DNM3: variants seen among roughly 807,000 people sequenced by gnomAD.
DNM3 encodes dynamin-3.
Under a neutral mutation model 101.6 loss-of-function variants are expected in DNM3, and 47 were observed. The observed-to-expected ratio is 0.46, with a 90% CI of 0.37 to 0.59. DNM3 has a LOEUF of 0.59. Among genes scored for constraint, DNM3 ranks in the 20% least tolerant of loss-of-function variants. The pLI, the probability that DNM3 is intolerant of heterozygous loss-of-function variation, is 0.00. For missense variants in DNM3, 849 were observed against 1,085.7 expected (o/e 0.78, Z 3.06); for synonymous variants, 385 against 387.9 (o/e 0.99, Z 0.09).
chr1:172,147,487 G>A (rs1358541698), intron 14 of DNM3, among the ~76,000 whole-genome samples: 1 of 152,036 alleles, frequency 6.6e-6, no homozygotes, highest in Non-Finnish European at 1.5e-5. Context: ...GGTTTTGGGT[G>A]ACTACAAAAT....
At chr1:172,402,428 A>G (rs1242287294) in intron 20 of DNM3, among the ~76,000 whole-genome samples, 2 of 152,166 alleles carry the variant, frequency 1.3e-5, no homozygotes, top group African/African-American at 2.4e-5. Context: ...TTCAATTATA[A>G]TTTACAAGTA....
At chr1:172,114,879 G>A (rs1016939230) in intron 13 of DNM3, among the ~76,000 whole-genome samples, 3 of 152,122 alleles carry the variant, frequency 2.0e-5, no homozygotes, top group Non-Finnish European at 4.4e-5. Flanking sequence ...GCATCTTGAA[G>A]TCAGTCCAAA....
At chr1:172,041,313 C>G (rs148257635) in intron 7 of DNM3, among the ~76,000 whole-genome samples, 1 of 152,214 alleles carries the variant, frequency 6.6e-6, no homozygotes, top group Non-Finnish European at 1.5e-5. Context: ...GCTGGATGCC[C>G]CAGATTCCCT....
At chr1:171,902,394 T>G (rs892668425) in intron 1 of DNM3, among the ~76,000 whole-genome samples, 1 of 152,264 alleles carries the variant, frequency 6.6e-6, no homozygotes, top group Non-Finnish European at 1.5e-5. Flanking sequence ...GTAGCCCTGT[T>G]GATATTCAGG....
chr1:172,043,612 A>G (rs2049555601), intron 8 of DNM3, among the ~76,000 whole-genome samples: 1 of 152,158 alleles, frequency 6.6e-6, no homozygotes, highest in African/African-American at 2.4e-5. Context: ...TTAAGCAGGA[A>G]GAGGTAGGCT....
In DNM3 at chr1:171,858,262, G is replaced by A. The variant is rs188179527; in HGVS notation, c.161+16445G>A. Among the ~76,000 whole-genome samples, 318 of 152,200 alleles carry A rather than the reference G, an allele frequency of 2.1e-3. 1 individual carries two copies. The highest frequency in any genetic ancestry group is 3.5e-3 in the Non-Finnish European group (239 of 68,002). ...CATTTATGAGAAAAAATTCACTGAT[G>A]CACTAATATTCTTAGCTTGATAAGC... On this transcript the variant is annotated intron_variant, in intron 1 of 20. Coordinates refer to ENST00000627582, the MANE Select transcript of DNM3 (RefSeq NM_015569.5).
chr1:171,875,496 T>C (rs977340494), intron 1 of DNM3, among the ~76,000 whole-genome samples: 1 of 152,172 alleles, frequency 6.6e-6, no homozygotes, highest in East Asian at 1.9e-4. Flanking sequence ...ACACATAAGT[T>C]AGATTTGGCA....
At chr1:172,390,697 A>C (rs1262739628) in intron 20 of DNM3, among the ~76,000 whole-genome samples, 1 of 152,236 alleles carries the variant, frequency 6.6e-6, no homozygotes, top group African/African-American at 2.4e-5. Flanking sequence ...TGCTACAAGC[A>C]AGATCCAATT....
At chr1:172,305,898 A>T (rs2148865094) in intron 15 of DNM3, among the ~76,000 whole-genome samples, 1 of 152,346 alleles carries the variant, frequency 6.6e-6, no homozygotes, top group East Asian at 1.9e-4. Flanking sequence ...AATAAGAGCT[A>T]TTTATGACAA....
intron 1 of DNM3, among the ~76,000 whole-genome samples, chr1:171,868,990 T>C (rs1312304284): frequency 6.6e-6 from 1 of 151,960 alleles, no homozygotes; most frequent in Non-Finnish European, 1.5e-5. Context: ...TCCATGTTGG[T>C]CAGGCTGGTC....
chr1:172,193,146 CGT>C (rs1451351433), intron 14 of DNM3, among the ~76,000 whole-genome samples: 1 of 151,880 alleles, frequency 6.6e-6, no homozygotes, highest in Non-Finnish European at 1.5e-5. Flanking sequence ...AGCATTTTTT[CGT>C]GTGTTTTTTG....
intron 20 of DNM3, among the ~76,000 whole-genome samples, chr1:172,400,635 A>G (rs1203332708): frequency 6.6e-6 from 1 of 152,198 alleles, no homozygotes; most frequent in Admixed American, 6.5e-5. Flanking sequence ...TCTCAATGAT[A>G]TAGTACAAAG....
At chr1:172,301,103 G>T (rs563990146) in intron 15 of DNM3, among the ~76,000 whole-genome samples, 8 of 152,300 alleles carry the variant, frequency 5.3e-5, no homozygotes, top group African/African-American at 1.7e-4. Flanking sequence ...ACTTGGGAGA[G>T]AATAAGGGAG....
At position 172,122,068 on chromosome 1, in the gene DNM3, G is replaced by A. The variant is rs1167604108; in HGVS notation, c.1546-9107G>A. 2.0e-5 allele frequency among the ~76,000 whole-genome samples: 3 copies of A among 152,010 alleles called. 1 individual carries two copies. Among genetic ancestry groups the A allele is most frequent in the Non-Finnish European group, 4.4e-5 (3 of 67,990 alleles). ...ATGCTGTGTTCATTATACATTAAAG[G>A]GAATCTCAAGAAATTGCCTCTTTTA... On this transcript the variant is annotated intron_variant, in intron 13 of 20. Transcript: ENST00000627582.
chr1:172,027,611 CACACACAG>C (rs1466762831), intron 4 of DNM3, among the ~76,000 whole-genome samples: 3 of 141,554 alleles, frequency 2.1e-5, no homozygotes, highest in Middle Eastern at 3.6e-3. Flanking sequence ...CACACACACA[CACACACAG>C]AGAGAGAGAA....
At chr1:172,363,427 A>G (rs1482388012) in intron 17 of DNM3, among the ~76,000 whole-genome samples, 2 of 151,930 alleles carry the variant, frequency 1.3e-5, no homozygotes, top group Non-Finnish European at 2.9e-5. Context: ...AAGACTGGAC[A>G]TCTGAGCATA....
intron 2 of DNM3, among the ~76,000 whole-genome samples, chr1:171,960,636 AG>A (rs1025049956): frequency 6.6e-6 from 1 of 152,194 alleles, no homozygotes; most frequent in Non-Finnish European, 1.5e-5. Flanking sequence ...TTTCATAAGA[AG>A]AGGAAGAGAA....
chr1:172,137,225 C>T (rs1199293801), intron 14 of DNM3: 1 of 152,006 alleles, frequency 6.6e-6, no homozygotes, highest in Non-Finnish European at 1.5e-5. Flanking sequence ...AGAACGATGT[C>T]GATATTCTGT....
chr1:172,218,633 A>G (rs1202120772), intron 14 of DNM3, among the ~76,000 whole-genome samples: 1 of 152,150 alleles, frequency 6.6e-6, no homozygotes, highest in African/African-American at 2.4e-5. Flanking sequence ...TCTAAAAAAA[A>G]TCTGAATTCT....
Sources: gnomAD v4.1 joint callset for allele counts (sites outside exome capture counted in the v4.1 genomes callset) on GRCh38, gnomAD v4.1.1 for gene constraint, MANE v1.5 for transcripts, NCBI Gene and HGNC (gene_info 2026-07-23, HGNC 2026-07-21) for gene names.